Variants in NBEA observed in about 807,000 individuals in gnomAD.
NBEA encodes the protein neurobeachin.
In NBEA, 44 loss-of-function variants were observed where a neutral mutation model predicts 343.4. The ratio of observed to expected loss-of-function variants is 0.13; its 90% CI spans 0.10 to 0.16. The LOEUF is 0.16. NBEA is among the 10% of genes least tolerant of loss of function. The pLI is 1.00. For missense variants in NBEA, 2,555 were observed against 3,631.3 expected (o/e 0.70, Z 7.62); for synonymous variants, 1,175 against 1,238.7 (o/e 0.95, Z 1.08).
intron 38 of NBEA, among the ~76,000 whole-genome samples, chr13:35,395,054 T>C (rs2152902576): frequency 6.6e-6 from 1 of 152,284 alleles, no homozygotes; most frequent in South Asian, 2.1e-4. Flanking sequence ...ATTTGGAGTG[T>C]TCATAGAGAT....
intron 38 of NBEA, among the ~76,000 whole-genome samples, chr13:35,388,383 A>G (rs953394793): frequency 6.6e-6 from 1 of 152,188 alleles, no homozygotes; most frequent in Non-Finnish European, 1.5e-5. Flanking sequence ...GGTTCTCTAC[A>G]TTAAGAGGCA....
chr13:35,459,826 G>T (rs56272927), intron 40 of NBEA, among the ~76,000 whole-genome samples: 8,135 of 152,228 alleles, frequency 0.053, 441 homozygotes, highest in African/African-American at 0.14. Context: ...CTAAGAGTTT[G>T]TCTAAGAATA....
At chr13:35,534,383 T>G (rs1340865524) in intron 41 of NBEA, among the ~76,000 whole-genome samples, 1 of 152,192 alleles carries the variant, frequency 6.6e-6, no homozygotes, top group Non-Finnish European at 1.5e-5. Flanking sequence ...TCATTCAGAT[T>G]TCTAGTTTAG....
intron 35 of NBEA, among the ~76,000 whole-genome samples, chr13:35,308,858 T>G (rs1489468160): frequency 6.6e-6 from 1 of 151,286 alleles, no homozygotes; most frequent in Non-Finnish European, 1.5e-5. Context: ...TATAATCACT[T>G]ATGTTCATAA....
At position 35,110,950 on chromosome 13, in the gene NBEA, C is replaced by T. The variant is rs2066171598; in HGVS notation, c.1974C>T (p.Asp658=). ...ACTACTGGGTTATTAATCCTGCTGA[C>T]AGTAGTGGCATTACACCTAAAGGAT... is the stretch of plus-strand genomic sequence containing the variant. ...KYYYWVINPA[D]SSGITPKGLD... The change falls in exon 13 of 59, where the codon GAC becomes GAT. Residue 658 remains aspartate, a synonymous_variant. Coordinates refer to ENST00000379939, the MANE Select transcript of NBEA (RefSeq NM_001385012.1). The T allele has an allele frequency of 6.2e-7, 1 of 1,610,910 alleles. No homozygotes were observed. The highest frequency in any genetic ancestry group is 1.3e-5 in the African/African-American group (1 of 74,832).
rs2069588224 is a variant in NBEA at position 35,161,854 on chromosome 13, A to G, written c.3966A>G (p.Pro1322=). Residue 1322 remains proline, a synonymous_variant, in exon 23 of 59, where the codon CCA becomes CCG. Coordinates refer to ENST00000379939, the MANE Select transcript of NBEA (RefSeq NM_001385012.1). The part of the protein sequence containing the change: ...MTEEQRRQFS[P]GPRTTMFRIP... ...AGGAACAGCGACGCCAGTTTAGCCC[A>G]GGTCCACGGACTACAATGTTTCGTA... 6.2e-7 allele frequency: 1 copy of G among 1,609,324 alleles called. No individual in the cohort carries two copies. Among genetic ancestry groups the G allele is most frequent in the South Asian group, 1.1e-5 (1 of 89,866 alleles).
intron 6 of NBEA, among the ~76,000 whole-genome samples, chr13:35,054,038 G>C (rs1342257994): frequency 6.6e-6 from 1 of 151,928 alleles, no homozygotes; most frequent in African/African-American, 2.4e-5. Context: ...AGTATTGTTT[G>C]AATGAGTACT....
intron 49 of NBEA, among the ~76,000 whole-genome samples, chr13:35,636,190 G>T (rs1438757733): frequency 1.3e-5 from 2 of 152,046 alleles, no homozygotes; most frequent in East Asian, 3.8e-4. Context: ...AAAACATATT[G>T]CATACTTCAA....
intron 7 of NBEA, among the ~76,000 whole-genome samples, chr13:35,056,421 AC>A (rs1417218713): frequency 3.3e-5 from 5 of 152,238 alleles, no homozygotes; most frequent in Non-Finnish European, 7.4e-5. Context: ...AATGTGGTTT[AC>A]CCCTTATTTA....
chr13:34,990,422 T>C (rs2060710454), intron 1 of NBEA, among the ~76,000 whole-genome samples: 1 of 151,270 alleles, frequency 6.6e-6, no homozygotes, highest in South Asian at 2.1e-4. Context: ...CACATAGAAG[T>C]CACCAAAGTT....
intron 1 of NBEA, among the ~76,000 whole-genome samples, chr13:34,974,398 A>C (rs1174777655): frequency 1.3e-5 from 2 of 152,156 alleles, no homozygotes; most frequent in Non-Finnish European, 2.9e-5. Context: ...TGAATAAGCA[A>C]GCTGATATCA....
At chr13:35,436,357 T>C (rs2045433117) in intron 39 of NBEA, among the ~76,000 whole-genome samples, 1 of 152,172 alleles carries the variant, frequency 6.6e-6, no homozygotes, top group African/African-American at 2.4e-5. Flanking sequence ...AAATTGAAAT[T>C]CAACTGATCT....
chr13:34,959,947 A>G (rs1409923857), intron 1 of NBEA, among the ~76,000 whole-genome samples: 1 of 152,140 alleles, frequency 6.6e-6, no homozygotes, highest in African/African-American at 2.4e-5. Flanking sequence ...TGGTTTATGT[A>G]TTTGCTATAC....
chr13:35,116,999 T>G (rs1314727524), intron 13 of NBEA, among the ~76,000 whole-genome samples: 2 of 151,952 alleles, frequency 1.3e-5, no homozygotes, highest in African/African-American at 4.8e-5. Context: ...TTTTCTGTGC[T>G]TTGTTAAATA....
intron 1 of NBEA, among the ~76,000 whole-genome samples, chr13:34,979,253 G>A (rs924689335): frequency 5.3e-5 from 8 of 151,986 alleles, no homozygotes; most frequent in Admixed American, 4.6e-4. Context: ...CTGGTTGCTG[G>A]GCACAGTGGT....
chr13:35,442,156 T>C (rs2045773722), intron 39 of NBEA, among the ~76,000 whole-genome samples: 1 of 152,136 alleles, frequency 6.6e-6, no homozygotes, highest in Non-Finnish European at 1.5e-5. Context: ...ACTGTCTTTA[T>C]CATTTTCATG....
intron 34 of NBEA, among the ~76,000 whole-genome samples, chr13:35,258,429 G>T (rs751827778): frequency 1.3e-4 from 20 of 151,920 alleles, no homozygotes; most frequent in Non-Finnish European, 2.8e-4. Context: ...GTCCCTAAGT[G>T]CTGGGATTAC....
At position 35,159,678 on chromosome 13, in the gene NBEA, A is replaced by G. The variant is rs2069419499; in HGVS notation, c.3507A>G (p.Pro1169=). ...AACTTTCTAGCAATCACATTATTCC[A>G]AATATTCAGGACACACAAGTACATC... ...LPELSSNHII[P]NIQDTQVHLG... is the part of the protein sequence containing the mutation. Residue 1169 remains proline, a synonymous_variant, in exon 22 of 59, where the codon CCA becomes CCG. Transcript: ENST00000379939. 3 of 1,612,288 alleles carry G rather than the reference A, an allele frequency of 1.9e-6. No homozygotes were observed. The highest frequency in any genetic ancestry group is 4.5e-5 in the East Asian group (2 of 44,754).
chr13:35,208,762 C>T lies in NBEA; in HGVS notation c.5429C>T (p.Ala1810Val). 6.2e-7 allele frequency: 1 copy of T among 1,611,816 alleles called. No homozygotes were observed. Among genetic ancestry groups the T allele is most frequent in the Non-Finnish European group, 8.5e-7 (1 of 1,178,660 alleles). Residue 1810 changes from alanine (A) to valine (V), a missense_variant, in exon 32 of 59, where the codon GCC becomes GTC. Physicochemically the swap from Ala to Val is moderately conservative, Grantham distance 64. Around this residue, in one of 21 missense-constraint regions of NBEA, gnomAD observed 270 missense variants for 293.3 expected, o/e 0.92. Transcript: ENST00000379939. The part of the protein sequence containing the change: ...PGSLAVTTVG[A>V]TTAGSGLPTG... ...AGTTTAGCTGTAACCACTGTGGGAG[C>T]CACTACTGCTGGAAGTGGGCTGCCA...
Sources: allele counts gnomAD v4.1 joint callset (sites outside exome capture counted in the v4.1 genomes callset), GRCh38; gene constraint gnomAD v4.1.1; regional missense constraint gnomAD v4.1.1; transcripts MANE v1.5; gene names NCBI Gene and HGNC (gene_info 2026-07-23, HGNC 2026-07-21).